Variants in PARD3B observed in about 807,000 individuals in gnomAD.
The protein encoded by PARD3B is par-3 family cell polarity regulator beta.
Under a neutral mutation model 130.2 loss-of-function variants are expected in PARD3B, and 103 were observed. The ratio of observed to expected loss-of-function variants is 0.79; its 90% confidence interval spans 0.67 to 0.93. The LOEUF is 0.93. Among genes scored for constraint, PARD3B ranks in the 40% least tolerant of loss-of-function variants. The pLI, the probability that PARD3B is intolerant of heterozygous loss-of-function variation, is 0.00. For synonymous variants in PARD3B, 583 were observed against 553.2 expected, an observed-to-expected ratio of 1.05 and a Z score of -0.76; for missense variants, 1,609 against 1,499.2, an observed-to-expected ratio of 1.07 and a Z score of -1.21.
At chr2:204,552,018 T>G (rs1426436414) in intron 1 of PARD3B, among the ~76,000 whole-genome samples, 1 of 152,206 alleles carries the variant, frequency 6.6e-6, no homozygotes, top group African/African-American at 2.4e-5. Flanking sequence ...ATGTGCCTAG[T>G]GCAACTGAGG....
At chr2:204,776,406 A>G (rs2041622790) in intron 2 of PARD3B, among the ~76,000 whole-genome samples, 4 of 152,174 alleles carry the variant, frequency 2.6e-5, no homozygotes, top group Admixed American at 2.0e-4. Flanking sequence ...AGGTAATAGA[A>G]TAATTTCCTC....
intron 1 of PARD3B, among the ~76,000 whole-genome samples, chr2:204,615,561 T>C (rs541137185): frequency 1.2e-4 from 19 of 152,296 alleles, no homozygotes; most frequent in African/African-American, 4.3e-4. Context: ...GTGTGGTGTA[T>C]AGTTTATCCA....
intron 4 of PARD3B, among the ~76,000 whole-genome samples, chr2:205,076,177 G>C (rs758990980): frequency 1.2e-4 from 18 of 152,166 alleles, no homozygotes; most frequent in Non-Finnish European, 1.8e-4. Flanking sequence ...GTTTAAAGCT[G>C]TCTGGTTAAC....
intron 1 of PARD3B, among the ~76,000 whole-genome samples, chr2:204,650,881 G>A (rs1559030340): frequency 2.3e-5 from 3 of 128,192 alleles, no homozygotes; most frequent in African/African-American, 1.2e-4. Flanking sequence ...TCTTACCATG[G>A]GGGAGTGAGA....
At chr2:205,576,570 T>C (rs1357139559) in intron 22 of PARD3B, among the ~76,000 whole-genome samples, 1 of 152,186 alleles carries the variant, frequency 6.6e-6, no homozygotes, top group Non-Finnish European at 1.5e-5. Flanking sequence ...TCCATTGTAT[T>C]GCCTTTGGTG....
At position 205,229,013 on chromosome 2, in the gene PARD3B, G is replaced by A. The variant is rs375008850; in HGVS notation, c.2141-16765G>A. ...ATAGGAGTCTGAATGACTTCTCTTT[G>A]TTACCTTGAATTTCACTGAGTTTCC... On this transcript the variant is annotated intron_variant, in intron 15 of 22. Coordinates refer to ENST00000406610, the MANE Select transcript of PARD3B (RefSeq NM_001302769.2). The surrounding 1 kb of genome is among the most constrained non-coding windows in gnomAD (Gnocchi z 5.2). Among the ~76,000 whole-genome samples, 3 of 152,234 alleles carry A rather than the reference G, an allele frequency of 2.0e-5. No individual in the cohort carries two copies. Among genetic ancestry groups the A allele is most frequent in the African/African-American group, 4.8e-5 (2 of 41,538 alleles).
chr2:204,710,349 C>T (rs539269889), intron 2 of PARD3B, among the ~76,000 whole-genome samples: 6 of 152,286 alleles, frequency 3.9e-5, no homozygotes, highest in East Asian at 3.9e-4. Flanking sequence ...AAAAAGGTTA[C>T]GAAACAGATC....
intron 2 of PARD3B, among the ~76,000 whole-genome samples, chr2:204,948,880 C>A (rs564805976): frequency 3.3e-5 from 5 of 152,120 alleles, no homozygotes; most frequent in Non-Finnish European, 7.3e-5. Context: ...CTCACAGGAC[C>A]CTTCCCAAGT....
At chr2:204,868,256 A>G (rs1300500165) in intron 2 of PARD3B, among the ~76,000 whole-genome samples, 3 of 152,190 alleles carry the variant, frequency 2.0e-5, no homozygotes, top group African/African-American at 7.2e-5. Flanking sequence ...AGGATTTATT[A>G]TGAGCCAAAG....
chr2:205,260,627 A>G (rs59136861), intron 16 of PARD3B, among the ~76,000 whole-genome samples: 2,165 of 152,216 alleles, frequency 0.014, 43 homozygotes, highest in African/African-American at 0.048. Context: ...CTAACCTGGG[A>G]TCACTTTCAT....
intron 20 of PARD3B, among the ~76,000 whole-genome samples, chr2:205,479,288 C>T (rs938029621): frequency 2.0e-5 from 3 of 152,158 alleles, no homozygotes; most frequent in Non-Finnish European, 4.4e-5. Flanking sequence ...TCATTGCACA[C>T]TTTCTTATTA....
chr2:204,963,481 C>T (rs955349839), intron 2 of PARD3B, among the ~76,000 whole-genome samples: 1 of 151,874 alleles, frequency 6.6e-6, no homozygotes. Flanking sequence ...ATATAATATG[C>T]CATTGCCTAG....
intron 1 of PARD3B, among the ~76,000 whole-genome samples, chr2:204,570,412 A>C (rs923487830): frequency 2.6e-5 from 4 of 152,194 alleles, no homozygotes; most frequent in Admixed American, 6.5e-5. Context: ...CTGTATTAGC[A>C]AGGCAAAGAA....
intron 18 of PARD3B, among the ~76,000 whole-genome samples, chr2:205,302,678 G>A (rs2042052648): frequency 6.6e-6 from 1 of 152,096 alleles, no homozygotes; most frequent in African/African-American, 2.4e-5. Flanking sequence ...ATCCCTCTGT[G>A]ACTCTAGGTG....
At chr2:205,613,455 C>T (rs1409624335) in intron 22 of PARD3B, among the ~76,000 whole-genome samples, 3 of 152,072 alleles carry the variant, frequency 2.0e-5, no homozygotes, top group Admixed American at 6.5e-5. Flanking sequence ...AAAGATATAC[C>T]GAAGGCTGGA....
chr2:205,399,858 G>A (rs2046184764), intron 18 of PARD3B, among the ~76,000 whole-genome samples: 1 of 152,140 alleles, frequency 6.6e-6, no homozygotes, highest in Admixed American at 6.5e-5. Flanking sequence ...GTGTTCCAGA[G>A]CTGACTCAGG....
chr2:204,778,114 G>A (rs1272434554), intron 2 of PARD3B, among the ~76,000 whole-genome samples: 2 of 145,386 alleles, frequency 1.4e-5, no homozygotes, highest in East Asian at 2.0e-4. Flanking sequence ...TATCTTTATA[G>A]CAATGTGAGA....
chr2:204,977,999 A>G (rs1163175906), intron 3 of PARD3B, among the ~76,000 whole-genome samples: 1 of 152,068 alleles, frequency 6.6e-6, no homozygotes, highest in Non-Finnish European at 1.5e-5. Flanking sequence ...TGGCAGAGAG[A>G]GAACAGAACA....
At chr2:204,826,197 A>G (rs761895157) in intron 2 of PARD3B, among the ~76,000 whole-genome samples, 3 of 152,222 alleles carry the variant, frequency 2.0e-5, no homozygotes, top group Non-Finnish European at 4.4e-5. Flanking sequence ...GCTGACCCTT[A>G]TCTCTTATCA....
Sources: gnomAD v4.1 joint callset for allele counts (sites outside exome capture counted in the v4.1 genomes callset) on GRCh38, gnomAD v4.1.1 for gene constraint, Gnocchi (gnomAD v3.1) non-coding constraint, MANE v1.5 for transcripts, NCBI Gene and HGNC (gene_info 2026-07-23, HGNC 2026-07-21) for gene names.